Variants in RAD52 observed in about 807,000 individuals in gnomAD.
The protein encoded by RAD52 is RAD52 DNA repair protein, also known as DNA repair protein RAD52 homolog.
A neutral mutation model predicts 55.5 loss-of-function variants in RAD52; 47 were observed. The ratio of observed to expected loss-of-function variants is 0.85; its 90% confidence interval spans 0.67 to 1.08. The LOEUF is 1.08. Among genes scored for constraint, RAD52 ranks in the 50% least tolerant of loss-of-function variants. RAD52 has a pLI of 0.00. For missense variants in RAD52, 468 were observed against 522.8 expected, an observed-to-expected ratio of 0.90 and a Z score of 1.02; for synonymous variants, 184 against 198.9, an observed-to-expected ratio of 0.92 and a Z score of 0.63.
In RAD52 at chr12:955,930, G is replaced by A. The variant is rs369004834; in HGVS notation, c.-18-22854C>T. ...CTAGTAGCTGGGATTACAGGCATGC[G>A]CCACCATGCCCGGCTAATTTTTGCA... On this transcript the variant is annotated intron_variant, in intron 1 of 11. Transcript: ENST00000430095. Among the ~76,000 whole-genome samples the A allele has an allele frequency of 5.8e-4, 72 of 123,152 alleles. No homozygotes were observed. The South Asian group carries it at 0.012, about 20-fold the overall frequency. The allele number at this position is 123,152 out of a possible 152,430, so 80.8% of individuals were successfully genotyped here.
chr12:943,211 T>C (rs972253699), intron 1 of RAD52, among the ~76,000 whole-genome samples: 1 of 152,196 alleles, frequency 6.6e-6, no homozygotes, highest in Admixed American at 6.5e-5. Flanking sequence ...TCATACACTG[T>C]TGGCAGGAAA....
chr12:951,164 C>CT (rs1958518969), upstream of RAD52, among the ~76,000 whole-genome samples: 1 of 152,116 alleles, frequency 6.6e-6, no homozygotes, highest in Admixed American at 6.6e-5. Context: ...CCAGACTGTA[C>CT]TGCAGTGCTG....
chr12:928,529 AG>A (rs1220724880), intron 5 of RAD52, among the ~76,000 whole-genome samples: 1 of 152,050 alleles, frequency 6.6e-6, no homozygotes, highest in Non-Finnish European at 1.5e-5. Flanking sequence ...AAAAAAAAAA[AG>A]AAGTAAGTAA....
chr12:986,564 T>C (rs988013005), intron 1 of RAD52, among the ~76,000 whole-genome samples: 7 of 152,090 alleles, frequency 4.6e-5, no homozygotes, highest in Non-Finnish European at 8.8e-5. Context: ...AGGGTCTCGC[T>C]GTGTTGTCTG....
chr12:965,897 G>A (rs952809042), intron 1 of RAD52, among the ~76,000 whole-genome samples: 7 of 152,064 alleles, frequency 4.6e-5, no homozygotes, highest in Admixed American at 6.5e-5. Flanking sequence ...TGTTGGCCAG[G>A]CTGATCTCGA....
intron 1 of RAD52, among the ~76,000 whole-genome samples, chr12:956,647 A>G (rs989713178): frequency 3.3e-5 from 5 of 152,124 alleles, no homozygotes; most frequent in Admixed American, 2.0e-4. Context: ...CCCGGGCTCA[A>G]GCGATCTTCC....
intron 9 of RAD52, among the ~76,000 whole-genome samples, chr12:915,059 G>A (rs1342229667): frequency 2.0e-5 from 3 of 152,216 alleles, no homozygotes; most frequent in Non-Finnish European, 4.4e-5. Flanking sequence ...CTTGAGCTCA[G>A]GAAGGTCAAA....
chr12:973,613 G>T (rs1958897797), intron 1 of RAD52, among the ~76,000 whole-genome samples: 1 of 151,436 alleles, frequency 6.6e-6, no homozygotes, highest in Non-Finnish European at 1.5e-5. Context: ...GAGTAGCTGG[G>T]ACTACAGGCA....
chr12:969,647 C>T lies in RAD52; in HGVS notation c.-19+20162G>A, dbSNP rs373378228. ...ACAAAAATAAAATTTAAAAATTAGC[C>T]GGGCATGCTGTCATGCTCCTGTAGT... On this transcript the variant is annotated intron_variant, in intron 1 of 11. Coordinates refer to the RAD52 transcript ENST00000430095. 4.2e-4 allele frequency among the ~76,000 whole-genome samples: 64 copies of T among 151,524 alleles called. No homozygotes were observed. In the South Asian group the frequency reaches 4.6e-3, roughly 11 times the overall value.
In RAD52 at chr12:914,428, T is replaced by C; in HGVS notation, c.967+3A>G. On this transcript the variant is annotated splice_donor_region_variant and intron_variant, in intron 10 of 11. Transcript: ENST00000358495. ...TAGCTTACAAGCATTTCAAGGTATT[T>C]ACTGATTAATTCTTGAGTCACTCCT... is the stretch of plus-strand genomic sequence containing the variant. 1 of 1,613,892 alleles carries C rather than the reference T, an allele frequency of 6.2e-7. No homozygotes were observed. Among genetic ancestry groups the C allele is most frequent in the Non-Finnish European group, 8.5e-7 (1 of 1,179,930 alleles).
intron 9 of RAD52, chr12:916,123 G>C (rs1193336386): frequency 4.0e-6 from 5 of 1,238,662 alleles, no homozygotes; most frequent in Admixed American, 7.6e-5. Flanking sequence ...TTAGTTCCAC[G>C]GGGGAAAAAA....
upstream of RAD52, among the ~76,000 whole-genome samples, chr12:953,545 C>G (rs1046451752): frequency 1.3e-5 from 2 of 152,136 alleles, no homozygotes; most frequent in Non-Finnish European, 2.9e-5. Context: ...AGTCCTCATA[C>G]AATTTACGAA....
chr12:926,947 C>T, intron 6 of RAD52, 198 bp downstream of exon 6: 1 of 1,540,806 alleles, frequency 6.5e-7, no homozygotes, highest in Non-Finnish European at 8.7e-7. Context: ...CAAGGGAAGC[C>T]TGAAACAGAA....
intron 1 of RAD52, among the ~76,000 whole-genome samples, chr12:945,554 C>A (rs1274112299): frequency 6.6e-6 from 1 of 151,166 alleles, no homozygotes; most frequent in Non-Finnish European, 1.5e-5. Context: ...GTGCCTCAGC[C>A]TCCTGAGTAG....
At chr12:984,957 G>A (rs1242078671) in intron 1 of RAD52, among the ~76,000 whole-genome samples, 3 of 152,070 alleles carry the variant, frequency 2.0e-5, no homozygotes, top group East Asian at 1.9e-4. Flanking sequence ...GAGCCACCGC[G>A]CCTGTCCACA....
intron 1 of RAD52, among the ~76,000 whole-genome samples, chr12:971,703 A>G (rs1958855419): frequency 6.6e-6 from 1 of 152,216 alleles, no homozygotes; most frequent in African/African-American, 2.4e-5. Flanking sequence ...AAGAACGTAT[A>G]ACTCGTATGA....
intron 1 of RAD52, among the ~76,000 whole-genome samples, chr12:940,466 G>A (rs534888181): frequency 7.9e-5 from 12 of 152,042 alleles, no homozygotes; most frequent in Admixed American, 3.3e-4. Context: ...GTGTGGTGGC[G>A]CGTGCCTGTA....
At chr12:981,940 T>G (rs938445836) in intron 1 of RAD52, among the ~76,000 whole-genome samples, 9 of 152,168 alleles carry the variant, frequency 5.9e-5, no homozygotes, top group South Asian at 4.1e-4. Flanking sequence ...CATCACCACG[T>G]TGGCCCTATT....
intron 1 of RAD52, among the ~76,000 whole-genome samples, chr12:948,872 T>C (rs371786131): frequency 2.0e-5 from 3 of 152,020 alleles, no homozygotes; most frequent in African/African-American, 7.2e-5. Context: ...CCTAGTTTTG[T>C]ATTTTTAGTA....
Sources: gnomAD v4.1 joint callset for allele counts (sites outside exome capture counted in the v4.1 genomes callset) on GRCh38, gnomAD v4.1.1 for gene constraint, MANE v1.5 for transcripts, NCBI Gene and HGNC (gene_info 2026-07-23, HGNC 2026-07-21) for gene names.